Variants in LPP observed in about 807,000 individuals in gnomAD.
LPP encodes LIM domain containing preferred translocation partner in lipoma.
A neutral mutation model predicts 60.4 loss-of-function variants in LPP; 38 were observed. The observed-to-expected ratio is 0.63, with a 90% confidence interval of 0.49 to 0.83. The LOEUF is 0.83. Among genes scored for constraint, LPP ranks in the 40% least tolerant of loss-of-function variants. The pLI is 0.00. For missense variants in LPP, 902 were observed against 783.6 expected, an observed-to-expected ratio of 1.15 and a Z score of -1.80; for synonymous variants, 328 against 290.8, an observed-to-expected ratio of 1.13 and a Z score of -1.30.
At chr3:188,479,740 C>T (rs1456850651) in intron 4 of LPP, among the ~76,000 whole-genome samples, 1 of 152,148 alleles carries the variant, frequency 6.6e-6, no homozygotes, top group African/African-American at 2.4e-5. Context: ...AAAAGGGCTG[C>T]TATCTAAATC....
intron 4 of LPP, among the ~76,000 whole-genome samples, chr3:188,457,955 A>T (rs1798139360): frequency 6.6e-6 from 1 of 152,060 alleles, no homozygotes; most frequent in Admixed American, 6.6e-5. Flanking sequence ...ACAAATAGTA[A>T]TTGTATTATT....
At chr3:188,688,858 G>A (rs778097739) in intron 7 of LPP, 1 of 522,200 alleles carries the variant, frequency 1.9e-6, no homozygotes, top group Non-Finnish European at 3.9e-6. Context: ...CTCCTGGAGG[G>A]CAGGCACTTT....
intron 2 of LPP, among the ~76,000 whole-genome samples, chr3:188,256,051 T>C (rs1286674343): frequency 6.6e-6 from 1 of 152,204 alleles, no homozygotes; most frequent in South Asian, 2.1e-4. Flanking sequence ...TAACTTGGAA[T>C]GGAAAACCTT....
At chr3:188,321,162 G>A (rs1756847267) in intron 2 of LPP, among the ~76,000 whole-genome samples, 1 of 152,172 alleles carries the variant, frequency 6.6e-6, no homozygotes, top group Non-Finnish European at 1.5e-5. Flanking sequence ...CAATATTACA[G>A]AACTTGGCTC....
chr3:188,304,847 T>C (rs749445231), intron 2 of LPP, among the ~76,000 whole-genome samples: 13 of 152,242 alleles, frequency 8.5e-5, no homozygotes, highest in African/African-American at 1.2e-4. Context: ...TTCCCTATTA[T>C]GGCTGAGACC....
At chr3:188,679,683 C>A (rs1859039052) in intron 7 of LPP, among the ~76,000 whole-genome samples, 1 of 152,146 alleles carries the variant, frequency 6.6e-6, no homozygotes. Context: ...TACTTTACAT[C>A]TGACTTTTCC....
chr3:188,609,108 C>T lies in LPP; in HGVS notation c.430-53C>T, dbSNP rs576508364. Reference sequence around the variant, plus strand: ...TCATTTATTCATTTTTATTGAGTTTCGTTGGCAGTAATTTTTGCTTTCTTT... The same window carrying T: ...TCATTTATTCATTTTTATTGAGTTTTGTTGGCAGTAATTTTTGCTTTCTTT... On this transcript the variant is annotated intron_variant, in intron 6 of 11. Coordinates refer to ENST00000617246, the MANE Select transcript of LPP (RefSeq NM_001375462.1). The surrounding 1 kb of genome is among the most constrained non-coding windows in gnomAD (Gnocchi z 6.9). 2.2e-4 allele frequency: 281 copies of T among 1,278,720 alleles called. No individual in the cohort carries two copies. Among genetic ancestry groups the T allele is most frequent in the Middle Eastern group, 5.8e-4 (3 of 5,180 alleles). The allele number at this position is 1,278,720 out of a possible 1,614,324, so 79.2% of individuals were successfully genotyped here. A position where few individuals can be genotyped will look rare whatever the true frequency, so the allele number is the denominator to read the frequency against.
At chr3:188,582,443 A>G (rs2151000289) in intron 6 of LPP, among the ~76,000 whole-genome samples, 1 of 151,678 alleles carries the variant, frequency 6.6e-6, no homozygotes, top group Non-Finnish European at 1.5e-5. Flanking sequence ...GGCCTCCCAA[A>G]GTGCTGGGAT....
intron 5 of LPP, among the ~76,000 whole-genome samples, chr3:188,511,328 C>T (rs1030055747): frequency 4.4e-5 from 6 of 137,252 alleles, no homozygotes; most frequent in African/African-American, 1.6e-4. Flanking sequence ...CTCTCTCCCT[C>T]CCTCCCTCCC....
chr3:188,478,157 T>C (rs1304664470), intron 4 of LPP, among the ~76,000 whole-genome samples: 1 of 152,218 alleles, frequency 6.6e-6, no homozygotes, highest in Non-Finnish European at 1.5e-5. Flanking sequence ...GGGACCTTGT[T>C]CAGGGAGCTT....
intron 3 of LPP, among the ~76,000 whole-genome samples, chr3:188,353,187 G>C (rs1766461838): frequency 6.6e-6 from 1 of 152,142 alleles, no homozygotes; most frequent in African/African-American, 2.4e-5. Context: ...GGGTCCTCGG[G>C]AGCAGAAATT....
intron 8 of LPP, among the ~76,000 whole-genome samples, chr3:188,740,846 A>G (rs1018980067): frequency 6.6e-6 from 1 of 152,064 alleles, no homozygotes; most frequent in South Asian, 2.1e-4. Context: ...ATCAAAAGTC[A>G]GGCATGAATT....
At chr3:188,569,114 T>C (rs1832899404) in intron 6 of LPP, 1 of 151,426 alleles carries the variant, frequency 6.6e-6, no homozygotes. Flanking sequence ...GAATTTGAAG[T>C]ATCTGGAAAA....
Position 188,877,484 on chromosome 3 carries a change from A to T in LPP, c.*3005A>T, listed in dbSNP as rs1216552352. On this transcript the variant is annotated 3_prime_UTR_variant, in exon 12 of 12. Coordinates refer to ENST00000617246, the MANE Select transcript of LPP (RefSeq NM_001375462.1). ...GAACATATCAAAATAGGATTTCTTA[A>T]ATTTTTCAACCCCCAGACCATACTG... is the stretch of plus-strand genomic sequence containing the variant. The T allele has an allele frequency of 5.3e-6, 1 of 187,016 alleles. No individual in the cohort carries two copies. The highest frequency in any genetic ancestry group is 1.1e-5 in the Non-Finnish European group (1 of 88,548). The allele number at this position is 187,016 out of a possible 1,614,324, so 11.6% of individuals were successfully genotyped here.
upstream of LPP, chr3:188,153,595 C>T (rs1396556502): frequency 6.6e-6 from 1 of 152,464 alleles, no homozygotes; most frequent in Non-Finnish European, 1.5e-5. Flanking sequence ...TCTTTCTCTT[C>T]CTCCTTTGCA....
At chr3:188,289,625 C>G (rs1577879964) in intron 2 of LPP, among the ~76,000 whole-genome samples, 1 of 152,112 alleles carries the variant, frequency 6.6e-6, no homozygotes, top group East Asian at 1.9e-4. Flanking sequence ...CTGCTGTGGT[C>G]TCCCTGTAAA....
At chr3:188,483,461 A>T (rs572164687) in intron 4 of LPP, among the ~76,000 whole-genome samples, 3 of 152,226 alleles carry the variant, frequency 2.0e-5, no homozygotes, top group Non-Finnish European at 4.4e-5. Context: ...CTACTCCTCC[A>T]TAAATAGAAA....
chr3:188,365,687 CTTT>C (rs113781032), intron 3 of LPP, among the ~76,000 whole-genome samples: 2 of 137,544 alleles, frequency 1.5e-5, no homozygotes, highest in Admixed American at 7.2e-5. Context: ...TTTTCTTCTT[CTTT>C]TTTTTTTTTT....
chr3:188,286,047 G>A (rs528744018), intron 2 of LPP, among the ~76,000 whole-genome samples: 2 of 152,212 alleles, frequency 1.3e-5, no homozygotes, highest in African/African-American at 2.4e-5. Flanking sequence ...ATATGGAGGC[G>A]GAAATGGGCT....
Sources: gnomAD v4.1 joint callset for allele counts (sites outside exome capture counted in the v4.1 genomes callset) on GRCh38, gnomAD v4.1.1 for gene constraint, Gnocchi (gnomAD v3.1) non-coding constraint, MANE v1.5 for transcripts, NCBI Gene and HGNC (gene_info 2026-07-23, HGNC 2026-07-21) for gene names.